Variants in MACROD2 observed in about 807,000 individuals in gnomAD.
MACROD2 encodes the protein mono-ADP ribosylhydrolase 2.
Under a neutral mutation model 70.4 loss-of-function variants are expected in MACROD2, and 36 were observed. The observed-to-expected ratio is 0.51, with a 90% CI of 0.39 to 0.68. The LOEUF is 0.68. MACROD2 is among the 30% of genes least tolerant of loss of function. The pLI is 0.00. For synonymous variants in MACROD2, 172 were observed against 178.8 expected (o/e 0.96, Z 0.30); for missense variants, 496 against 538.4 (o/e 0.92, Z 0.78).
chr20:15,510,092 A>G (rs1015081904), intron 8 of MACROD2, among the ~76,000 whole-genome samples: 4 of 152,032 alleles, frequency 2.6e-5, no homozygotes, highest in Non-Finnish European at 5.9e-5. Flanking sequence ...AGAGGCCGCC[A>G]TGTTGATTTT....
At chr20:14,434,367 A>T (rs1020914277) in intron 3 of MACROD2, among the ~76,000 whole-genome samples, 3 of 152,192 alleles carry the variant, frequency 2.0e-5, no homozygotes, top group African/African-American at 7.2e-5. Context: ...AACTCGGTTT[A>T]GATATCATTT....
chr20:14,420,480 G>A (rs1417687435), intron 3 of MACROD2, among the ~76,000 whole-genome samples: 1 of 152,044 alleles, frequency 6.6e-6, no homozygotes, highest in African/African-American at 2.4e-5. Flanking sequence ...GTGATGTTGA[G>A]CATCTTTGCA....
chr20:14,734,639 G>A (rs895210854), intron 5 of MACROD2, among the ~76,000 whole-genome samples: 14 of 149,282 alleles, frequency 9.4e-5, no homozygotes, highest in Non-Finnish European at 1.6e-4. Context: ...TTTCTTAATA[G>A]TAACTTTATT....
chr20:14,389,357 G>A (rs1182962644), intron 3 of MACROD2, among the ~76,000 whole-genome samples: 1 of 146,378 alleles, frequency 6.8e-6, no homozygotes, highest in Non-Finnish European at 1.5e-5. Context: ...GGCAGGCGGA[G>A]GTTGCAGTAA....
chr20:15,338,477 T>A (rs1319446267), intron 6 of MACROD2, among the ~76,000 whole-genome samples: 1 of 151,438 alleles, frequency 6.6e-6, no homozygotes, highest in Admixed American at 6.6e-5. Flanking sequence ...TCCTTAGGTC[T>A]GGGTATCAAT....
intron 6 of MACROD2, among the ~76,000 whole-genome samples, chr20:15,372,728 C>G (rs1273726193): frequency 6.6e-6 from 1 of 152,044 alleles, no homozygotes; most frequent in Non-Finnish European, 1.5e-5. Context: ...AGATCTTCTT[C>G]TTTATGGTTT....
chr20:15,610,530 T>A (rs909869950), intron 8 of MACROD2, among the ~76,000 whole-genome samples: 2 of 152,152 alleles, frequency 1.3e-5, no homozygotes, highest in African/African-American at 4.8e-5. Flanking sequence ...CAGGGGCACT[T>A]ACCACTGGGT....
At chr20:14,591,754 C>T (rs1981785407) in intron 4 of MACROD2, among the ~76,000 whole-genome samples, 1 of 152,118 alleles carries the variant, frequency 6.6e-6, no homozygotes, top group Non-Finnish European at 1.5e-5. Flanking sequence ...TCTTCTCAGG[C>T]TAGCTAGTAT....
At chr20:15,794,160 G>A (rs2147060881) in intron 8 of MACROD2, among the ~76,000 whole-genome samples, 1 of 152,050 alleles carries the variant, frequency 6.6e-6, no homozygotes, top group South Asian at 2.1e-4. Flanking sequence ...GCATTTCTGG[G>A]TTTGAACTTT....
chr20:15,958,250 C>A (rs540611329), intron 12 of MACROD2, among the ~76,000 whole-genome samples: 1 of 152,260 alleles, frequency 6.6e-6, no homozygotes, highest in African/African-American at 2.4e-5. Flanking sequence ...GTCCGGCAAA[C>A]AAAGATTAAT....
chr20:15,291,256 C>T (rs1456375524), intron 6 of MACROD2, among the ~76,000 whole-genome samples: 2 of 152,228 alleles, frequency 1.3e-5, no homozygotes, highest in Non-Finnish European at 2.9e-5. Flanking sequence ...TATGCCATCA[C>T]TGGGGGTTCT....
intron 15 of MACROD2, 70 bp from the exon 16 acceptor site, chr20:16,041,131 C>A: frequency 7.7e-7 from 1 of 1,301,640 alleles, no homozygotes; most frequent in Non-Finnish European, 1.1e-6. Context: ...TGGAGGGTGA[C>A]AGAAATGATT....
chr20:14,714,513 A>C (rs1055723771), intron 5 of MACROD2, among the ~76,000 whole-genome samples: 1 of 152,124 alleles, frequency 6.6e-6, no homozygotes, highest in East Asian at 1.9e-4. Flanking sequence ...TCCATGTCCT[A>C]TCCCTCAACA....
intron 8 of MACROD2, among the ~76,000 whole-genome samples, chr20:15,800,185 A>G (rs908610578): frequency 2.6e-5 from 4 of 152,102 alleles, no homozygotes; most frequent in African/African-American, 9.7e-5. Context: ...TATTCTGGGT[A>G]TTAGCAGCTT....
chr20:15,918,905 T>C (rs2065359967), intron 10 of MACROD2, among the ~76,000 whole-genome samples: 1 of 152,146 alleles, frequency 6.6e-6, no homozygotes, highest in Admixed American at 6.5e-5. Flanking sequence ...TGAGGGGCTC[T>C]GCATGTTAAA....
intron 3 of MACROD2, among the ~76,000 whole-genome samples, chr20:14,298,652 A>C (rs150959179): frequency 6.6e-6 from 1 of 151,770 alleles, no homozygotes; most frequent in East Asian, 1.9e-4. Flanking sequence ...GAGCAAAGTC[A>C]ATTGAAAACT....
intron 5 of MACROD2, among the ~76,000 whole-genome samples, chr20:14,852,225 G>A (rs750442002): frequency 6.6e-6 from 1 of 152,138 alleles, no homozygotes; most frequent in South Asian, 2.1e-4. Flanking sequence ...CAGCGAGGTG[G>A]CCAAGAAACC....
Position 14,483,326 on chromosome 20 carries a change from T to C in MACROD2, c.272-10153T>C, listed in dbSNP as rs180999244. Among the ~76,000 whole-genome samples the C allele has an allele frequency of 2.8e-4, 43 of 152,336 alleles. No individual in the cohort carries two copies. In the East Asian group the frequency reaches 7.9e-3, roughly 28 times the overall value. On this transcript the variant is annotated intron_variant, in intron 3 of 17. Coordinates refer to ENST00000684519, the MANE Select transcript of MACROD2 (RefSeq NM_001351661.2). Reference sequence around the variant, plus strand: ...TTGAAATTCTTATTGAGCTGAAGTATTCTTACCTATCTTTGTGGGTTTTTT... The same window carrying C: ...TTGAAATTCTTATTGAGCTGAAGTACTCTTACCTATCTTTGTGGGTTTTTT...
intron 2 of MACROD2, among the ~76,000 whole-genome samples, chr20:14,074,116 C>G (rs2053885576): frequency 6.6e-6 from 1 of 152,166 alleles, no homozygotes; most frequent in African/African-American, 2.4e-5. Context: ...CCATCTTACC[C>G]CTAGTGTTTC....
Sources: allele counts gnomAD v4.1 joint callset (sites outside exome capture counted in the v4.1 genomes callset), GRCh38; gene constraint gnomAD v4.1.1; transcripts MANE v1.5; gene names NCBI Gene and HGNC (gene_info 2026-07-23, HGNC 2026-07-21).